The following KSR1 variants were observed in gnomAD, a reference collection of about 807,000 sequenced individuals.
The protein encoded by KSR1 is kinase suppressor of ras 1, also known as kinase suppressor of ras.
A neutral mutation model predicts 92.9 loss-of-function variants in KSR1; 35 were observed. The observed-to-expected ratio is 0.38, with a 90% CI of 0.29 to 0.50. The LOEUF (loss-of-function observed/expected upper bound fraction) is 0.50. KSR1 is among the 20% of genes least tolerant of loss of function. The probability of loss-of-function intolerance (pLI) is 0.94; values close to 1 mark genes in which losing one functional copy is unlikely to be tolerated. For missense variants in KSR1, 972 were observed against 1,158.5 expected, an observed-to-expected ratio of 0.84 and a Z score of 2.34; for synonymous variants, 467 against 472.6, an observed-to-expected ratio of 0.99 and a Z score of 0.15.
At chr17:27,505,982 AT>A (rs1460296586) in intron 1 of KSR1, among the ~76,000 whole-genome samples, 2 of 151,892 alleles carry the variant, frequency 1.3e-5, no homozygotes, top group African/African-American at 4.8e-5. Flanking sequence ...TACTTTTCTC[AT>A]TTTTTTCTTT....
intron 12 of KSR1, among the ~76,000 whole-genome samples, chr17:27,604,254 G>A (rs985601959): frequency 4.6e-5 from 7 of 152,124 alleles, no homozygotes; most frequent in Admixed American, 4.6e-4. Flanking sequence ...GCGGTGGTAG[G>A]TATCAAAGTA....
chr17:27,510,219 C>A (rs1249915623), intron 1 of KSR1, among the ~76,000 whole-genome samples: 1 of 152,218 alleles, frequency 6.6e-6, no homozygotes, highest in Non-Finnish European at 1.5e-5. Flanking sequence ...AGAACCAAGA[C>A]TCTGGAAAAA....
chr17:27,543,027 G>A (rs1165988713), intron 1 of KSR1, among the ~76,000 whole-genome samples: 1 of 152,206 alleles, frequency 6.6e-6, no homozygotes, highest in African/African-American at 2.4e-5. Context: ...AACAGGTGCT[G>A]GTGGTAAACA....
chr17:27,589,151 G>C (rs888020843), intron 6 of KSR1, among the ~76,000 whole-genome samples: 9 of 152,204 alleles, frequency 5.9e-5, no homozygotes, highest in Admixed American at 5.2e-4. Context: ...GGTGGAGAGA[G>C]TAACATTTAT....
intron 20 of KSR1, chr17:27,622,147 A>G (rs2074241734): frequency 1.7e-6 from 1 of 594,874 alleles, no homozygotes; most frequent in African/African-American, 1.9e-5. Flanking sequence ...TGCCCAAGTA[A>G]CTGCTCTCAG....
At chr17:27,607,546 C>T (rs918040890) in intron 14 of KSR1, among the ~76,000 whole-genome samples, 1 of 152,132 alleles carries the variant, frequency 6.6e-6, no homozygotes, top group Non-Finnish European at 1.5e-5. Flanking sequence ...TTGATGTTGC[C>T]TGTTGATGCC....
intron 15 of KSR1, among the ~76,000 whole-genome samples, chr17:27,608,625 C>T (rs1598141258): frequency 8.9e-6 from 1 of 112,508 alleles, no homozygotes; most frequent in African/African-American, 3.3e-5. Context: ...TGTCCAAGGC[C>T]ACAGAGTGAG....
At chr17:27,490,477 G>T (rs1046499119) in intron 1 of KSR1, among the ~76,000 whole-genome samples, 1 of 151,910 alleles carries the variant, frequency 6.6e-6, no homozygotes, top group African/African-American at 2.4e-5. Context: ...TTTTTTTCCC[G>T]AGTGAAATCT....
chr17:27,609,612 G>A (rs774629672), intron 16 of KSR1, among the ~76,000 whole-genome samples: 6 of 152,240 alleles, frequency 3.9e-5, no homozygotes, highest in Non-Finnish European at 7.3e-5. Flanking sequence ...CGATGAGGAA[G>A]AGTGTCAAAT....
Position 27,611,516 on chromosome 17 carries a change from G to A in KSR1, c.2380G>A (p.Ala794Thr). 6.2e-7 allele frequency: 1 copy of A among 1,613,878 alleles called. No homozygotes were observed. Among genetic ancestry groups the A allele is most frequent in the Non-Finnish European group, 8.5e-7 (1 of 1,179,784 alleles). ...CAGGACTGTTTGGTATGAGCTGCAA[G>A]CAAGAGACTGGCCCTTGAAGAACCA... ...AFGTVWYELQ[A>T]RDWPLKNQAA... Residue 794 changes from alanine (A) to threonine (T), a missense_variant, in exon 18 of 21, where the codon GCA becomes ACA. By Grantham distance (58) the Ala-to-Thr change is moderately conservative (BLOSUM62 0). Around this residue, in one of 5 missense-constraint regions of KSR1, gnomAD observed 260 missense variants for 375.2 expected, o/e 0.69. Coordinates refer to ENST00000644974, the MANE Select transcript of KSR1 (RefSeq NM_001394583.1).
At chr17:27,542,915 G>A (rs1284959350) in intron 1 of KSR1, among the ~76,000 whole-genome samples, 1 of 152,232 alleles carries the variant, frequency 6.6e-6, no homozygotes, top group African/African-American at 2.4e-5. Flanking sequence ...CAGCTGATGT[G>A]TGATGGTGCG....
chr17:27,457,816 AC>A (rs1354267993), intron 1 of KSR1, among the ~76,000 whole-genome samples: 4 of 148,154 alleles, frequency 2.7e-5, no homozygotes, highest in South Asian at 2.1e-4. Context: ...TGAAGAAGGA[AC>A]CTCTCACCAT....
chr17:27,463,163 A>G (rs1439330798), intron 1 of KSR1, among the ~76,000 whole-genome samples: 3 of 152,202 alleles, frequency 2.0e-5, no homozygotes, highest in African/African-American at 7.2e-5. Flanking sequence ...CAGCCTTCAT[A>G]CATTTATCCA....
At chr17:27,610,019 C>T (rs771364497) in intron 16 of KSR1, 48 bp from the exon 17 acceptor site, 1 of 1,607,018 alleles carries the variant, frequency 6.2e-7, no homozygotes, top group Non-Finnish European at 8.5e-7. Context: ...GGCCTCTTTG[C>T]TGCCTGCTGA....
At chr17:27,501,292 CTTTTTTTTTTTTTTTTTTT>C in intron 1 of KSR1, among the ~76,000 whole-genome samples, 1 of 49,704 alleles carries the variant, frequency 2.0e-5, no homozygotes, top group African/African-American at 8.2e-5. Flanking sequence ...TTCTTTTCTT[CTTTTTTTTTTTTTTTTTTT>C]TTTTTTGAGC....
At chr17:27,568,515 G>C (rs2072174741) in intron 2 of KSR1, among the ~76,000 whole-genome samples, 2 of 152,228 alleles carry the variant, frequency 1.3e-5, no homozygotes, top group South Asian at 2.1e-4. Flanking sequence ...AGGAGGAGGG[G>C]ACTCGTCTGA....
rs2293180 is a variant in KSR1 at position 27,582,790 on chromosome 17, C to T, written c.665C>T (p.Ala222Val). Reference sequence around the variant, plus strand: ...CAGCTGGGCAGAGCAGGCAACAGCGCCCAGGGCCCACGCTCCATCTCCGTG... The same window carrying T: ...CAGCTGGGCAGAGCAGGCAACAGCGTCCAGGGCCCACGCTCCATCTCCGTG... ...SSQLGRAGNSAQGPRSISVSA... is the reference protein window; with the variant it reads ...SSQLGRAGNSVQGPRSISVSA... The change falls in exon 4 of 21, where the codon GCC (alanine) becomes GTC (valine). Residue 222 changes from alanine to valine, a missense_variant. Physicochemically the swap from Ala to Val is moderately conservative, Grantham distance 64 (BLOSUM62 0). Around this residue, in one of 5 missense-constraint regions of KSR1, gnomAD observed 611 missense variants for 668.0 expected, o/e 0.91. Coordinates refer to ENST00000644974, the MANE Select transcript of KSR1 (RefSeq NM_001394583.1). The T allele has an allele frequency of 0.13, 214,139 of 1,613,452 alleles. 15,654 individuals carry two copies. Among genetic ancestry groups the T allele is most frequent in the Admixed American group, 0.26 (15,710 of 59,944 alleles).
chr17:27,577,607 C>A lies in KSR1; in HGVS notation c.488C>A (p.Ala163Asp). The A allele has an allele frequency of 6.3e-7, 1 of 1,591,742 alleles. No individual in the cohort carries two copies. The highest frequency in any genetic ancestry group is 1.1e-5 in the South Asian group (1 of 87,962). ...SGDECGRLQY[A>D]LTCLRKVTGL... ...GATGAGTGTGGCCGTCTGCAGTATG[C>A]CCTCACCTGCCTGCGGAAGGTGACA... The change falls in exon 3 of 21, where the codon GCC (alanine) becomes GAC (aspartate). Residue 163 changes from alanine to aspartate, a missense_variant. This residue lies in a region of KSR1 where 611 missense variants were observed against 668.0 expected (regional missense o/e 0.91). Coordinates refer to ENST00000644974, the MANE Select transcript of KSR1 (RefSeq NM_001394583.1). The surrounding 1 kb of genome is among the most constrained non-coding windows in gnomAD (Gnocchi z 4.5).
chr17:27,532,783 G>A (rs932748609), intron 1 of KSR1, among the ~76,000 whole-genome samples: 1 of 152,212 alleles, frequency 6.6e-6, no homozygotes, highest in Non-Finnish European at 1.5e-5. Context: ...CATCCCTGGG[G>A]CTCCTCACCA....
Sources: allele counts gnomAD v4.1 joint callset (sites outside exome capture counted in the v4.1 genomes callset), GRCh38; gene constraint gnomAD v4.1.1; regional missense constraint gnomAD v4.1.1; non-coding constraint Gnocchi (gnomAD v3.1); transcripts MANE v1.5; gene names NCBI Gene and HGNC (gene_info 2026-07-23, HGNC 2026-07-21).